Variants in ARHGAP17 observed in about 807,000 individuals in gnomAD.
ARHGAP17 encodes the protein Rho GTPase activating protein 17.
In ARHGAP17, 57 loss-of-function variants were observed where a neutral mutation model predicts 99.5. The observed-to-expected ratio is 0.57, with a 90% CI of 0.46 to 0.71. ARHGAP17 has a LOEUF of 0.71. Ranked by LOEUF, ARHGAP17 falls within the 30% of genes least tolerant of loss-of-function variation. ARHGAP17 has a pLI of 0.00. For missense variants in ARHGAP17, 1,000 were observed against 1,122.4 expected (o/e 0.89, Z 1.56); for synonymous variants, 417 against 429.6 (o/e 0.97, Z 0.36).
chr16:25,001,867 TGAGGTCAGGAGTTCAA>T, intron 1 of ARHGAP17, among the ~76,000 whole-genome samples: 2 of 152,166 alleles, frequency 1.3e-5, no homozygotes, highest in Admixed American at 6.5e-5. Flanking sequence ...GAGGATCACC[TGAGGTCAGGAGTTCAA>T]GACCAATCTG....
At position 24,941,812 on chromosome 16, in the gene ARHGAP17, T is replaced by C. The variant is rs1473643421; in HGVS notation, c.1490+175A>G. 9 of 776,758 alleles carry C rather than the reference T, an allele frequency of 1.2e-5. No homozygotes were observed. In the South Asian group the frequency reaches 1.2e-4, roughly 10 times the overall value. 48.1% of individuals were successfully genotyped at this position (776,758 alleles called of 1,614,324 possible). A position where few individuals can be genotyped will look rare whatever the true frequency, so the allele number is the denominator to read the frequency against. On this transcript the variant is annotated intron_variant, in intron 16 of 19. Transcript: ENST00000289968. ...ACTGAGAAGCTACACACTGACTTTA[T>C]GGTGAGATTAGTGCTTGGAATGACC...
At chr16:24,960,327 C>T (rs1286145293) in intron 7 of ARHGAP17, among the ~76,000 whole-genome samples, 2 of 152,104 alleles carry the variant, frequency 1.3e-5, no homozygotes, top group Non-Finnish European at 2.9e-5. Flanking sequence ...GGCAGATTAC[C>T]TGAGGTCAGG....
At chr16:24,969,774 C>T (rs376423072) in intron 4 of ARHGAP17, among the ~76,000 whole-genome samples, 7 of 152,272 alleles carry the variant, frequency 4.6e-5, no homozygotes, top group East Asian at 1.9e-4. Context: ...CCTCCCAGGG[C>T]CCCCAAACAT....
chr16:24,933,491 TAAGA>T (rs1427438846), intron 18 of ARHGAP17, among the ~76,000 whole-genome samples: 1 of 135,198 alleles, frequency 7.4e-6, no homozygotes, highest in Non-Finnish European at 1.6e-5. Context: ...CTAAAAAACA[TAAGA>T]AAGGAAAAAA....
intron 6 of ARHGAP17, among the ~76,000 whole-genome samples, chr16:24,966,070 T>C (rs377236219): frequency 6.6e-6 from 1 of 152,242 alleles, no homozygotes. Context: ...GATAAACATC[T>C]ATAATAATGC....
At chr16:24,984,438 A>T (rs1215265433) in intron 1 of ARHGAP17, among the ~76,000 whole-genome samples, 1 of 152,152 alleles carries the variant, frequency 6.6e-6, no homozygotes, top group Admixed American at 6.6e-5. Context: ...AAGCCAAGGC[A>T]GGCGGATCAC....
At chr16:24,937,561 T>C (rs772139259) in intron 17 of ARHGAP17, among the ~76,000 whole-genome samples, 7 of 152,246 alleles carry the variant, frequency 4.6e-5, no homozygotes, top group Non-Finnish European at 7.3e-5. Flanking sequence ...GGCACAATTA[T>C]TGACAAGCTA....
In ARHGAP17 at chr16:24,952,390, CTT is replaced by C. The variant is rs1567225869; in HGVS notation, c.965-22_965-21del. 1 of 1,592,918 alleles carries C rather than the reference CTT, an allele frequency of 6.3e-7. No individual in the cohort carries two copies. Reference sequence around the variant, plus strand: ...AAGCACCTGAAATCATTAACACTCTCTTTGAGTATGAAAAAGGGGTAAGGCTA... The same window carrying C: ...AAGCACCTGAAATCATTAACACTCTCTGAGTATGAAAAAGGGGTAAGGCTA... On this transcript the variant is annotated intron_variant, in intron 11 of 19. Coordinates refer to ENST00000289968, the MANE Select transcript of ARHGAP17 (RefSeq NM_001006634.3).
At chr16:24,971,330 CTTTTT>C (rs5816272) in intron 3 of ARHGAP17, among the ~76,000 whole-genome samples, 5 of 134,304 alleles carry the variant, frequency 3.7e-5, no homozygotes, top group Admixed American at 7.4e-5. Context: ...CTTAAATTGG[CTTTTT>C]TTTTTTTTTT....
Position 24,959,701 on chromosome 16 carries a change from T to C in ARHGAP17, c.694A>G (p.Lys232Glu). ...TGGGCTCGCATTTCGGGGAGGGTCT[T>C]TTCTAAGACTGCTAATGCTTTTCTA... Reference protein sequence around the residue: ...YHRKALAVLEKTLPEMRAHQD... With the variant: ...YHRKALAVLEETLPEMRAHQD... The change falls in exon 9 of 20, where the codon AAG becomes GAG. Residue 232 changes from lysine (K) to glutamate (E), a missense_variant. By Grantham distance (56) the Lys-to-Glu change is moderately conservative. This residue lies in a region of ARHGAP17 where 472 missense variants were observed against 611.1 expected (regional missense o/e 0.77). Transcript: ENST00000289968. 6.2e-7 allele frequency: 1 copy of C among 1,614,116 alleles called. No homozygotes were observed. Among genetic ancestry groups the C allele is most frequent in the Non-Finnish European group, 8.5e-7 (1 of 1,180,006 alleles).
chr16:24,992,766 T>C (rs2053084464), intron 1 of ARHGAP17, among the ~76,000 whole-genome samples: 1 of 152,202 alleles, frequency 6.6e-6, no homozygotes, highest in Non-Finnish European at 1.5e-5. Flanking sequence ...GAAACTGGAA[T>C]TGGTGGATCA....
At chr16:24,994,207 GC>G (rs1947804988) in intron 1 of ARHGAP17, among the ~76,000 whole-genome samples, 2 of 152,274 alleles carry the variant, frequency 1.3e-5, no homozygotes, top group Non-Finnish European at 1.5e-5. Context: ...ATCTCCACTT[GC>G]CCTTTTCTAA....
At chr16:24,934,328 A>G (rs1399728065) in intron 18 of ARHGAP17, among the ~76,000 whole-genome samples, 1 of 150,518 alleles carries the variant, frequency 6.6e-6, no homozygotes, top group Non-Finnish European at 1.5e-5. Context: ...TGCCCGGCTA[A>G]TTTTTGTATT....
At chr16:24,968,261 G>A in intron 6 of ARHGAP17, 90 bp downstream of exon 6, 2 of 1,458,232 alleles carry the variant, frequency 1.4e-6, no homozygotes, top group South Asian at 2.3e-5. Context: ...GCACGAATTG[G>A]TGAGCACTTC....
chr16:24,995,919 G>C (rs528355513), intron 1 of ARHGAP17, among the ~76,000 whole-genome samples: 14 of 152,012 alleles, frequency 9.2e-5, no homozygotes, highest in Admixed American at 7.2e-4. Flanking sequence ...AGAGACCAAG[G>C]GCTTTGCTAT....
chr16:24,996,672 G>A (rs1431692298), intron 1 of ARHGAP17, among the ~76,000 whole-genome samples: 1 of 152,192 alleles, frequency 6.6e-6, no homozygotes, highest in African/African-American at 2.4e-5. Context: ...CACCACCTAA[G>A]AGCGGGGTAA....
chr16:24,982,976 A>ATATTTTTATATATATATATATATTTT (rs2052721680), intron 1 of ARHGAP17, among the ~76,000 whole-genome samples: 1 of 20,240 alleles, frequency 4.9e-5, no homozygotes, highest in African/African-American at 1.8e-4. Flanking sequence ...ATATATATAT[A>ATATTTTTATATATATATATATATTTT]TATATATATA....
At chr16:24,927,070 AG>A (rs1394493620) in intron 19 of ARHGAP17, among the ~76,000 whole-genome samples, 2 of 152,198 alleles carry the variant, frequency 1.3e-5, no homozygotes, top group African/African-American at 2.4e-5. Flanking sequence ...CAGGAGTTCG[AG>A]ACCAGCCTGG....
At chr16:24,929,811 T>G in intron 19 of ARHGAP17, among the ~76,000 whole-genome samples, 1 of 152,224 alleles carries the variant, frequency 6.6e-6, no homozygotes, top group East Asian at 1.9e-4. Context: ...GCTGTTAGAA[T>G]CAGTTAACCG....
Sources: allele counts gnomAD v4.1 joint callset (sites outside exome capture counted in the v4.1 genomes callset), GRCh38; gene constraint gnomAD v4.1.1; regional missense constraint gnomAD v4.1.1; transcripts MANE v1.5; gene names NCBI Gene and HGNC (gene_info 2026-07-23, HGNC 2026-07-21).